DLC1: variants seen among roughly 807,000 people sequenced by gnomAD.
DLC1 encodes the protein rho GTPase-activating protein 7.
Under a neutral mutation model 140.3 loss-of-function variants are expected in DLC1, and 54 were observed. The observed-to-expected ratio is 0.38, with a 90% confidence interval of 0.31 to 0.48. The LOEUF (loss-of-function observed/expected upper bound fraction) is 0.48, where lower values mean the gene tolerates loss of function less well. Ranked by LOEUF, DLC1 falls within the 20% of genes least tolerant of loss-of-function variation. The pLI, the probability that DLC1 is intolerant of heterozygous loss-of-function variation, is 0.96. For synonymous variants in DLC1, 986 were observed against 728.1 expected (o/e 1.35, Z -5.70); for missense variants, 2,536 against 1,907.0 (o/e 1.33, Z -6.14).
rs1337632857 is a variant in DLC1 at position 13,248,663 on chromosome 8, TG to T, written c.1348+56605del. 5.3e-5 allele frequency among the ~76,000 whole-genome samples: 8 copies of T among 152,188 alleles called. No individual in the cohort carries two copies. The South Asian group carries it at 1.7e-3, about 32-fold the overall frequency. Reference sequence around the variant, plus strand: ...CAGCAGTCTGGATCTTTTTATCCCCTGGGGTGCTTCCTTCAGAAGTCCTCAA... The same window carrying T: ...CAGCAGTCTGGATCTTTTTATCCCCTGGGTGCTTCCTTCAGAAGTCCTCAA... On this transcript the variant is annotated intron_variant, in intron 5 of 17. Coordinates refer to ENST00000276297, the MANE Select transcript of DLC1 (RefSeq NM_182643.3).
chr8:13,385,174 T>C (rs762794048), intron 4 of DLC1, among the ~76,000 whole-genome samples: 1 of 152,184 alleles, frequency 6.6e-6, no homozygotes, highest in Admixed American at 6.5e-5. Context: ...CATTTCATAT[T>C]ATAACTAATT....
intron 1 of DLC1, among the ~76,000 whole-genome samples, chr8:13,576,321 A>G (rs936479696): frequency 6.6e-6 from 1 of 152,168 alleles, no homozygotes; most frequent in African/African-American, 2.4e-5. Flanking sequence ...TGGGGCGCGG[A>G]GAAGGATCAC....
Position 13,599,942 on chromosome 8 carries a change from C to T in DLC1, c.-126+4595G>A, listed in dbSNP as rs188792602. Among the ~76,000 whole-genome samples the T allele has an allele frequency of 7.2e-5, 11 of 152,032 alleles. No homozygotes were observed. The East Asian group carries it at 2.1e-3, about 29-fold the overall frequency. On this transcript the variant is annotated intron_variant, in intron 1 of 1. Coordinates refer to the DLC1 transcript ENST00000631382. Reference sequence around the variant, plus strand: ...CTGTATGAGGTATGGACCTATTGAACAGTATCATTCAGGTTTAGCATCTTC... The same window carrying T: ...CTGTATGAGGTATGGACCTATTGAATAGTATCATTCAGGTTTAGCATCTTC...
At chr8:13,379,850 A>T (rs752972253) in intron 4 of DLC1, among the ~76,000 whole-genome samples, 18 of 152,316 alleles carry the variant, frequency 1.2e-4, no homozygotes, top group Admixed American at 3.3e-4. Context: ...TTGCAGGGAC[A>T]TCGATGAAAC....
At chr8:13,470,505 A>G (rs992415729) in intron 2 of DLC1, among the ~76,000 whole-genome samples, 1 of 152,210 alleles carries the variant, frequency 6.6e-6, no homozygotes, top group Non-Finnish European at 1.5e-5. Flanking sequence ...GTCAACAGGT[A>G]TATTAAGAGG....
At position 13,419,855 on chromosome 8, in the gene DLC1, G is replaced by T. The variant is rs554407406; in HGVS notation, c.1024-18236C>A. Among the ~76,000 whole-genome samples the T allele has an allele frequency of 5.9e-4, 90 of 152,228 alleles. 1 individual carries two copies. Among genetic ancestry groups the T allele is most frequent in the Non-Finnish European group, 9.3e-4 (63 of 68,008 alleles). On this transcript the variant is annotated intron_variant, in intron 2 of 17. Transcript: ENST00000276297. ...ATCCATCTGGTCCTGGACTCCTTTT[G>T]GTTGGTAAGCTATTGATTATTGCCA... is the stretch of plus-strand genomic sequence containing the variant.
chr8:13,490,466 A>G (rs538576202), intron 2 of DLC1, among the ~76,000 whole-genome samples: 1 of 152,346 alleles, frequency 6.6e-6, no homozygotes, highest in South Asian at 2.1e-4. Context: ...ATTATTTGTA[A>G]GAACATGAGC....
chr8:13,145,595 A>G (rs1425373326), intron 5 of DLC1, among the ~76,000 whole-genome samples: 1 of 152,224 alleles, frequency 6.6e-6, no homozygotes, highest in Non-Finnish European at 1.5e-5. Flanking sequence ...GCAGCATTAT[A>G]TTAGGAAAAA....
At chr8:13,385,141 G>C (rs1024261304) in intron 4 of DLC1, among the ~76,000 whole-genome samples, 4 of 152,100 alleles carry the variant, frequency 2.6e-5, no homozygotes, top group Admixed American at 6.6e-5. Context: ...TTGGTTATTA[G>C]TGCTTGTTTG....
chr8:13,099,370 C>T lies in DLC1; in HGVS notation c.2967G>A (p.Gly989=). 1 of 1,613,926 alleles carries T rather than the reference C, an allele frequency of 6.2e-7. No individual in the cohort carries two copies. The change falls in exon 9 of 18, where the codon GGG becomes GGA. Residue 989 remains glycine, a synonymous_variant. Coordinates refer to ENST00000276297, the MANE Select transcript of DLC1 (RefSeq NM_182643.3). ...ACCTGTTGGACCTGGTTAGGGAAGC[C>T]CCAACCCCAGAATCCCTTCTTTCCG... The part of the protein sequence containing the change: ...EIPERRDSGV[G]ASLTRSNRHR...
intron 4 of DLC1, among the ~76,000 whole-genome samples, chr8:13,324,713 A>G (rs1833268580): frequency 6.6e-6 from 1 of 152,182 alleles, no homozygotes; most frequent in South Asian, 2.1e-4. Context: ...TATGAAATAT[A>G]AAATTTAAGT....
chr8:13,535,532 A>G (rs928247325), intron 1 of DLC1, among the ~76,000 whole-genome samples: 37 of 152,092 alleles, frequency 2.4e-4, no homozygotes, highest in Non-Finnish European at 4.6e-4. Flanking sequence ...TAAAAATTAA[A>G]CTACATTTCT....
intron 4 of DLC1, among the ~76,000 whole-genome samples, chr8:13,351,441 A>T (rs1364703317): frequency 6.6e-6 from 1 of 152,226 alleles, no homozygotes; most frequent in African/African-American, 2.4e-5. Context: ...GATTGCAAAT[A>T]TGCCTTCAGC....
chr8:13,541,503 T>C lies in DLC1; in HGVS notation c.-125-41307A>G, dbSNP rs114278211. On this transcript the variant is annotated intron_variant, in intron 1 of 1. Transcript: ENST00000631382. ...CTAGTAAATGTGTAGTGTTATCTAA[T>C]TGTGGTTTTAATTTTCATTTTTCTA... Among the ~76,000 whole-genome samples, 503 of 152,260 alleles carry C rather than the reference T, an allele frequency of 3.3e-3. 4 individuals carry two copies. Among genetic ancestry groups the C allele is most frequent in the African/African-American group, 0.011 (477 of 41,548 alleles).
intron 1 of DLC1, among the ~76,000 whole-genome samples, chr8:13,505,713 A>G (rs1186290797): frequency 6.6e-6 from 1 of 152,180 alleles, no homozygotes; most frequent in African/African-American, 2.4e-5. Flanking sequence ...TATGTCACCA[A>G]TGTCAGCACA....
chr8:13,552,041 A>G lies in DLC1; in HGVS notation c.-125-51845T>C, dbSNP rs545992689. On this transcript the variant is annotated intron_variant, in intron 1 of 1. Transcript: ENST00000631382. ...TGTGTATATATATATGTGTGTGTGT[A>G]TATATATATATACACATATATATAT... Among the ~76,000 whole-genome samples the G allele has an allele frequency of 4.8e-3, 655 of 137,844 alleles. 4 individuals are homozygous for G. Among genetic ancestry groups the G allele is most frequent in the African/African-American group, 0.015 (560 of 36,892 alleles). 90.4% of individuals were successfully genotyped at this position (137,844 alleles called of 152,430 possible).
At chr8:13,463,229 G>GT (rs2117032762) in intron 2 of DLC1, among the ~76,000 whole-genome samples, 1 of 152,144 alleles carries the variant, frequency 6.6e-6, no homozygotes, top group African/African-American at 2.4e-5. Context: ...CAGATTTGCA[G>GT]TTCTTGTGGG....
At chr8:13,424,449 A>G (rs1323557443) in intron 2 of DLC1, among the ~76,000 whole-genome samples, 1 of 152,188 alleles carries the variant, frequency 6.6e-6, no homozygotes, top group Non-Finnish European at 1.5e-5. Context: ...AGATCACGCC[A>G]CTTCACTCCA....
At chr8:13,492,506 C>G (rs1801304404) in intron 2 of DLC1, among the ~76,000 whole-genome samples, 2 of 147,220 alleles carry the variant, frequency 1.4e-5, no homozygotes, top group South Asian at 4.4e-4. Context: ...CTCTGTCTCT[C>G]TCTCTCTCTC....
Sources: allele counts gnomAD v4.1 joint callset (sites outside exome capture counted in the v4.1 genomes callset), GRCh38; gene constraint gnomAD v4.1.1; transcripts MANE v1.5; gene names NCBI Gene and HGNC (gene_info 2026-07-23, HGNC 2026-07-21).